Variants in KDM5A observed in about 807,000 individuals in gnomAD.
The protein encoded by KDM5A is lysine-specific demethylase 5A.
KDM5A carries 42 observed loss-of-function variants against 193.5 expected under a neutral mutation model. The ratio of observed to expected loss-of-function variants is 0.22; its 90% CI spans 0.17 to 0.28. The LOEUF (loss-of-function observed/expected upper bound fraction) is 0.28, where lower values mean the gene tolerates loss of function less well. Ranked by LOEUF, KDM5A falls within the 10% of genes least tolerant of loss-of-function variation. The pLI, the probability that KDM5A is intolerant of heterozygous loss-of-function variation, is 1.00. For missense variants in KDM5A, 1,692 were observed against 2,055.1 expected (o/e 0.82, Z 3.42); for synonymous variants, 796 against 718.1 (o/e 1.11, Z -1.73).
chr12:336,869 T>C (rs1207985219), intron 10 of KDM5A, among the ~76,000 whole-genome samples: 1 of 151,630 alleles, frequency 6.6e-6, no homozygotes, highest in African/African-American at 2.4e-5. Flanking sequence ...CAAGGTAACA[T>C]ATATAAAATT....
In KDM5A at chr12:313,415, T is replaced by C. The variant is rs533676053; in HGVS notation, c.2898-221A>G. Among the ~76,000 whole-genome samples, 15 of 152,240 alleles carry C rather than the reference T, an allele frequency of 9.9e-5. No homozygotes were observed. In the South Asian group the frequency reaches 2.5e-3, roughly 25 times the overall value. The stretch of plus-strand genomic sequence containing the variant: ...CATAAGTTTATAATAAAATAAAATA[T>C]AAATTTTTATGGATAAGAAAACTTT... On this transcript the variant is annotated intron_variant, in intron 19 of 27. Transcript: ENST00000399788.
At chr12:378,109 A>T (rs1944529696) in intron 3 of KDM5A, among the ~76,000 whole-genome samples, 2 of 152,248 alleles carry the variant, frequency 1.3e-5, no homozygotes, top group South Asian at 4.1e-4. Context: ...GGAAATCAGT[A>T]TATGATATTT....
chr12:298,090 C>G (rs574725768), intron 24 of KDM5A, among the ~76,000 whole-genome samples: 41 of 152,336 alleles, frequency 2.7e-4, no homozygotes, highest in African/African-American at 9.4e-4. Context: ...GACAGAGCAC[C>G]TGGGGGAAGG....
chr12:318,558 ACTCTT>A, intron 18 of KDM5A, 97 bp from the exon 19 acceptor site: 1 of 837,034 alleles, frequency 1.2e-6, no homozygotes, highest in South Asian at 1.4e-5. Flanking sequence ...TCAATTCTAG[ACTCTT>A]ATAATCTCAC....
intron 13 of KDM5A, among the ~76,000 whole-genome samples, chr12:330,077 G>GTATATATATATATATA (rs1943844091): frequency 1.6e-5 from 2 of 128,466 alleles, no homozygotes; most frequent in African/African-American, 7.0e-5. Context: ...GTGTGTGTGT[G>GTATATATATATATATA]TGTGTGTGTA....
intron 1 of KDM5A, chr12:388,478 C>G (rs1944676077): frequency 1.6e-5 from 6 of 371,518 alleles, no homozygotes; most frequent in Non-Finnish European, 3.2e-5. Flanking sequence ...TAATACCATC[C>G]GGTGAGACTA....
intron 10 of KDM5A, among the ~76,000 whole-genome samples, chr12:340,638 T>A (rs943984705): frequency 1.5e-5 from 2 of 130,342 alleles, no homozygotes; most frequent in Admixed American, 1.0e-4. Context: ...GAGGTTGCAG[T>A]GAGCTGAGAT....
intron 3 of KDM5A, among the ~76,000 whole-genome samples, chr12:373,641 T>C (rs1248003925): frequency 2.0e-5 from 3 of 152,224 alleles, no homozygotes; most frequent in Non-Finnish European, 4.4e-5. Flanking sequence ...GTGTTTGTAC[T>C]TCCTTCTCTA....
intron 5 of KDM5A, among the ~76,000 whole-genome samples, chr12:359,723 C>A (rs1178038111): frequency 9.0e-6 from 1 of 111,470 alleles, no homozygotes; most frequent in East Asian, 2.9e-4. Flanking sequence ...GCCTGGGTGA[C>A]AGAGCCACAC....
chr12:361,978 C>T (rs1011116799), intron 5 of KDM5A, among the ~76,000 whole-genome samples: 1 of 152,096 alleles, frequency 6.6e-6, no homozygotes, highest in Non-Finnish European at 1.5e-5. Context: ...CCTCTCCAGA[C>T]CTCTCCTCTA....
Position 310,928 on chromosome 12 carries a change from C to G in KDM5A, c.3173G>C (p.Gly1058Ala), listed in dbSNP as rs764305221. 2.2e-5 allele frequency: 36 copies of G among 1,614,088 alleles called. No individual in the cohort carries two copies. The South Asian group carries it at 4.0e-4, about 18-fold the overall frequency. The change falls in exon 21 of 28, where the codon GGG (glycine) becomes GCG (alanine). Residue 1058 changes from glycine to alanine, a missense_variant. Physicochemically the swap from Gly to Ala is moderately conservative, Grantham distance 60 (BLOSUM62 0). This residue lies in a region of KDM5A where 965 missense variants were observed against 1,061.0 expected (regional missense o/e 0.91). Coordinates refer to ENST00000399788, the MANE Select transcript of KDM5A (RefSeq NM_001042603.3). ...AAARAWRERTGRTFLKKNSSH... is the reference protein window; with the variant it reads ...AAARAWRERTARTFLKKNSSH... The stretch of plus-strand genomic sequence containing the variant: ...AGAATTCTTCTTAAGAAACGTCCGC[C>G]CAGTCCGTTCTCTCCATGCCCGTGC...
rs1424613809 is a variant in KDM5A at position 389,318 on chromosome 12, G to A, written c.-227C>T. On this transcript the variant is annotated 5_prime_UTR_variant, in exon 1 of 28. Coordinates refer to ENST00000399788, the MANE Select transcript of KDM5A (RefSeq NM_001042603.3). ...GGACTTTTCCGGAAGTTACCGTGCTGTCAAATCCCTCCGCCCCCTGCAGGA... is the reference window on the plus strand; with the variant it reads ...GGACTTTTCCGGAAGTTACCGTGCTATCAAATCCCTCCGCCCCCTGCAGGA... 7.5e-6 allele frequency: 5 copies of A among 669,182 alleles called. No homozygotes were observed. The East Asian group carries it at 1.1e-4, about 15-fold the overall frequency. 41.5% of individuals were successfully genotyped at this position (669,182 alleles called of 1,614,324 possible).
intron 8 of KDM5A, among the ~76,000 whole-genome samples, chr12:353,434 T>C (rs1230837141): frequency 6.6e-6 from 1 of 152,192 alleles, no homozygotes; most frequent in Non-Finnish European, 1.5e-5. Context: ...TCATGTCTAG[T>C]TATACTTTAA....
At chr12:317,899 G>A (rs900158674) in intron 19 of KDM5A, among the ~76,000 whole-genome samples, 5 of 152,100 alleles carry the variant, frequency 3.3e-5, no homozygotes, top group Non-Finnish European at 7.4e-5. Context: ...CAGGGAGAGA[G>A]GAGAATCTCC....
chr12:363,249 G>T, intron 4 of KDM5A, 152 bp from the exon 5 acceptor site: 2 of 842,512 alleles, frequency 2.4e-6, no homozygotes, highest in South Asian at 1.6e-5. Flanking sequence ...CCAAAATCCT[G>T]GCAGGCTTTT....
At chr12:339,984 T>TCCCA (rs1430663387) in intron 10 of KDM5A, among the ~76,000 whole-genome samples, 2 of 151,226 alleles carry the variant, frequency 1.3e-5, no homozygotes, top group African/African-American at 2.4e-5. Context: ...CAAGTGATCC[T>TCCCA]CCCACCTCAG....
At chr12:314,661 C>T (rs2284336) in intron 19 of KDM5A, among the ~76,000 whole-genome samples, 15,954 of 152,138 alleles carry the variant, frequency 0.1, 1,782 homozygotes, top group East Asian at 0.35. Flanking sequence ...CTAAGCTTTC[C>T]CATCCTTTCT....
chr12:310,925 C>T lies in KDM5A; in HGVS notation c.3176G>A (p.Arg1059Gln), dbSNP rs545445538. ...AARAWRERTG[R>Q]TFLKKNSSHT... ...GCTAGAATTCTTCTTAAGAAACGTCCGCCCAGTCCGTTCTCTCCATGCCCG... is the reference window on the plus strand; with the variant it reads ...GCTAGAATTCTTCTTAAGAAACGTCTGCCCAGTCCGTTCTCTCCATGCCCG... Residue 1059 changes from arginine (R) to glutamine (Q), a missense_variant, in exon 21 of 28, where the codon CGG becomes CAG. Transcript: ENST00000399788. 13 of 1,614,176 alleles carry T rather than the reference C, an allele frequency of 8.1e-6. No individual in the cohort carries two copies. Among genetic ancestry groups the T allele is most frequent in the African/African-American group, 2.7e-5 (2 of 75,054 alleles).
At chr12:292,695 CAT>C in intron 27 of KDM5A, 62 bp downstream of exon 27, 2 of 1,591,578 alleles carry the variant, frequency 1.3e-6, no homozygotes, top group Non-Finnish European at 1.7e-6. Context: ...TGATATCAAA[CAT>C]GTGTCTCCAC....
Sources: gnomAD v4.1 joint callset for allele counts (sites outside exome capture counted in the v4.1 genomes callset) on GRCh38, gnomAD v4.1.1 for gene constraint, gnomAD v4.1.1 regional missense constraint, MANE v1.5 for transcripts, NCBI Gene and HGNC (gene_info 2026-07-23, HGNC 2026-07-21) for gene names.